DLG5: variants seen among roughly 807,000 people sequenced by gnomAD.
DLG5 encodes the protein disks large homolog 5.
DLG5 carries 48 observed loss-of-function variants against 189.8 expected under a neutral mutation model. The ratio of observed to expected loss-of-function variants is 0.25; its 90% confidence interval spans 0.20 to 0.32. The LOEUF (loss-of-function observed/expected upper bound fraction) is 0.32. DLG5 is among the 10% of genes least tolerant of loss of function. The probability of loss-of-function intolerance (pLI) is 1.00; values close to 1 mark genes in which losing one functional copy is unlikely to be tolerated. For missense variants in DLG5, 2,160 were observed against 2,544.7 expected (o/e 0.85, Z 3.25); for synonymous variants, 1,016 against 1,054.1 (o/e 0.96, Z 0.70).
chr10:77,822,004 A>G lies in DLG5; in HGVS notation c.2480T>C (p.Val827Ala). The change falls in exon 15 of 32, where the codon GTC becomes GCC. Residue 827 changes from valine to alanine, a missense_variant. By Grantham distance (64) the Val-to-Ala change is moderately conservative. Around this residue, in one of 5 missense-constraint regions of DLG5, gnomAD observed 754 missense variants for 746.5 expected, o/e 1.01. Coordinates refer to ENST00000372391, the MANE Select transcript of DLG5 (RefSeq NM_004747.4). ...MLSFRAHGPEVQAHNKRNLIQ... is the reference protein window; with the variant it reads ...MLSFRAHGPEAQAHNKRNLIQ... ...CAAGTTCCGTTTGTTATGAGCCTGG[A>G]CCTCCGGGCCATGGGCTCGAAAACT... 6.2e-7 allele frequency: 1 copy of G among 1,613,984 alleles called. No individual in the cohort carries two copies. Among genetic ancestry groups the G allele is most frequent in the South Asian group, 1.1e-5 (1 of 91,068 alleles).
At chr10:77,923,829 G>A (rs552579635) in intron 1 of DLG5, among the ~76,000 whole-genome samples, 1 of 152,230 alleles carries the variant, frequency 6.6e-6, no homozygotes, top group East Asian at 1.9e-4. Flanking sequence ...AGGGGCTTCA[G>A]GTGGCATCTT....
At chr10:77,831,332 G>A (rs1044656293) in intron 9 of DLG5, among the ~76,000 whole-genome samples, 1 of 152,134 alleles carries the variant, frequency 6.6e-6, no homozygotes, top group Admixed American at 6.6e-5. Flanking sequence ...CAGGGAGGCA[G>A]AGGTTGCAGG....
chr10:77,938,748 A>C, the DLG5 span, among the ~76,000 whole-genome samples: 26,632 of 152,192 alleles, frequency 0.17, 2,503 homozygotes, highest in Admixed American at 0.24. Flanking sequence ...CATCATGAGC[A>C]GCTCCATCAT....
intron 1 of DLG5, among the ~76,000 whole-genome samples, chr10:77,917,798 G>A (rs568309017): frequency 2.0e-5 from 3 of 151,984 alleles, no homozygotes; most frequent in Non-Finnish European, 4.4e-5. Flanking sequence ...AGGCCGAGGC[G>A]GGTGGATCAC....
chr10:77,833,903 C>T lies in DLG5; in HGVS notation c.1748+11G>A. The T allele has an allele frequency of 2.5e-6, 4 of 1,605,314 alleles. No individual in the cohort carries two copies. The highest frequency in any genetic ancestry group is 3.4e-6 in the Non-Finnish European group (4 of 1,179,588). Reference sequence around the variant, plus strand: ...GCATGCCCACTCCAGCGGGTGCCCACCCGAGCCTACTTGAGCTCCTTCAGC... The same window carrying T: ...GCATGCCCACTCCAGCGGGTGCCCATCCGAGCCTACTTGAGCTCCTTCAGC... On this transcript the variant is annotated intron_variant, in intron 9 of 31. Coordinates refer to ENST00000372391, the MANE Select transcript of DLG5 (RefSeq NM_004747.4).
At chr10:77,797,072 T>C (rs1383029149) in intron 27 of DLG5, among the ~76,000 whole-genome samples, 1 of 152,156 alleles carries the variant, frequency 6.6e-6, no homozygotes, top group Admixed American at 6.5e-5. Flanking sequence ...CAGTTGAGGA[T>C]AACCCTTAAG....
At chr10:77,864,227 A>G (rs1844584103) in intron 2 of DLG5, among the ~76,000 whole-genome samples, 1 of 152,144 alleles carries the variant, frequency 6.6e-6, no homozygotes. Context: ...CTGGAGGCGC[A>G]TCCTTGGTCT....
chr10:77,881,023 A>AGT lies in DLG5; in HGVS notation c.305-11828_305-11827dup, dbSNP rs543907159. ...AGTCTCACTCTGTCACCCAGGCTGG[A>AGT]GTGCAGTGGTGTGATCTCAGCTCAC... On this transcript the variant is annotated intron_variant, in intron 1 of 31. Transcript: ENST00000372391. Among the ~76,000 whole-genome samples the AGT allele has an allele frequency of 5.1e-3, 608 of 119,514 alleles. 4 individuals are homozygous for AGT. Among genetic ancestry groups the AGT allele is most frequent in the African/African-American group, 0.019 (581 of 30,848 alleles). 78.4% of individuals were successfully genotyped at this position (119,514 alleles called of 152,430 possible).
intron 29 of DLG5, among the ~76,000 whole-genome samples, chr10:77,795,450 C>G (rs1840862466): frequency 6.6e-6 from 1 of 152,158 alleles, no homozygotes. Flanking sequence ...AGTTTGCCCA[C>G]TTTCAGCAGT....
Position 77,856,667 on chromosome 10 carries a change from A to G in DLG5, c.536+63T>C, listed in dbSNP as rs1844244457. ...GCCAGGGGTGTTTGGGGGTGACAGC[A>G]CCAGCATCGGGGTAGTAATCCCAAC... On this transcript the variant is annotated intron_variant, in intron 3 of 31. Coordinates refer to ENST00000372391, the MANE Select transcript of DLG5 (RefSeq NM_004747.4). 3 of 1,575,764 alleles carry G rather than the reference A, an allele frequency of 1.9e-6. No individual in the cohort carries two copies. In the African/African-American group the frequency reaches 4.0e-5, roughly 21 times the overall value.
chr10:77,837,498 T>C (rs1308280211), intron 7 of DLG5, among the ~76,000 whole-genome samples: 10 of 152,116 alleles, frequency 6.6e-5, no homozygotes, highest in Non-Finnish European at 1.5e-5. Context: ...CCCCACACCA[T>C]TGCTGGTATC....
intron 27 of DLG5, among the ~76,000 whole-genome samples, chr10:77,798,639 G>A (rs1841046497): frequency 6.6e-6 from 1 of 152,174 alleles, no homozygotes; most frequent in South Asian, 2.1e-4. Flanking sequence ...CTTGTCCGGG[G>A]CTGTGTTTCT....
intron 20 of DLG5, among the ~76,000 whole-genome samples, chr10:77,812,690 C>T (rs936283048): frequency 6.6e-6 from 1 of 152,236 alleles, no homozygotes; most frequent in Non-Finnish European, 1.5e-5. Context: ...AGAGGAGCTG[C>T]CCCACAATAT....
intron 1 of DLG5, among the ~76,000 whole-genome samples, chr10:77,885,965 GGTAGAGAAAGGTCCCCCCAGAT>G (rs1021744694): frequency 6.6e-6 from 1 of 152,156 alleles, no homozygotes; most frequent in Non-Finnish European, 1.5e-5. Flanking sequence ...GGAATCCCTA[GGTAGAGAAAGGTCCCCCCAGAT>G]AAGCACCTGG....
intron 7 of DLG5, among the ~76,000 whole-genome samples, chr10:77,839,588 T>C (rs1843320177): frequency 6.6e-6 from 1 of 152,212 alleles, no homozygotes; most frequent in Admixed American, 6.5e-5. Context: ...TGACATTCTG[T>C]GACATTTCAG....
chr10:77,871,212 C>T (rs927676045), intron 1 of DLG5, among the ~76,000 whole-genome samples: 7 of 152,034 alleles, frequency 4.6e-5, no homozygotes, highest in African/African-American at 1.4e-4. Context: ...CCAGGAGCAG[C>T]GGGTGGATGC....
chr10:77,841,529 G>T (rs1484080450), intron 7 of DLG5, among the ~76,000 whole-genome samples: 1 of 152,194 alleles, frequency 6.6e-6, no homozygotes, highest in East Asian at 1.9e-4. Flanking sequence ...CTTGGCCTTG[G>T]TATCTTGCTT....
rs762523859 is a variant in DLG5 at position 77,833,919 on chromosome 10, C to T, written c.1743G>A (p.Glu581=). The change falls in exon 9 of 32, where the codon GAG becomes GAA. Residue 581 remains glutamate (E), a synonymous_variant. Coordinates refer to ENST00000372391, the MANE Select transcript of DLG5 (RefSeq NM_004747.4). ...QKNDVSRELK[E]LKEQMESQLE... is the part of the protein sequence containing the mutation. ...GGGTGCCCACCCGAGCCTACTTGAG[C>T]TCCTTCAGCTCGCGGCTGACATCAT... 3.7e-6 allele frequency: 6 copies of T among 1,606,346 alleles called. No homozygotes were observed. In the African/African-American group the frequency reaches 6.7e-5, roughly 18 times the overall value.
Position 77,909,858 on chromosome 10 carries a change from C to G in DLG5, c.304+16359G>C, listed in dbSNP as rs181219151. On this transcript the variant is annotated intron_variant, in intron 1 of 31. Transcript: ENST00000372391. ...CTGAGATTGGCTATCAGGGTGGGTC[C>G]CAACTCAGTGTCCACGGGGCCTTAT... Among the ~76,000 whole-genome samples, 312 of 152,204 alleles carry G rather than the reference C, an allele frequency of 2.0e-3. 1 individual carries two copies. Among genetic ancestry groups the G allele is most frequent in the African/African-American group, 7.1e-3 (294 of 41,506 alleles).
Sources: allele counts gnomAD v4.1 joint callset (sites outside exome capture counted in the v4.1 genomes callset), GRCh38; gene constraint gnomAD v4.1.1; regional missense constraint gnomAD v4.1.1; transcripts MANE v1.5; gene names NCBI Gene and HGNC (gene_info 2026-07-23, HGNC 2026-07-21).